The following CNTNAP2 variants were observed in gnomAD, a reference collection of about 807,000 sequenced individuals.
The protein encoded by CNTNAP2 is contactin associated protein 2, also known as contactin-associated protein-like 2.
CNTNAP2 carries 98 observed loss-of-function variants against 155.2 expected under a neutral mutation model. That is an observed-to-expected ratio of 0.63 (90% confidence interval 0.54 to 0.75). The LOEUF is 0.75. Among genes scored for constraint, CNTNAP2 ranks in the 30% least tolerant of loss-of-function variants. CNTNAP2 has a pLI of 0.00. For synonymous variants in CNTNAP2, 651 were observed against 631.2 expected (o/e 1.03, Z -0.47); for missense variants, 1,727 against 1,688.1 (o/e 1.02, Z -0.40).
chr7:147,816,624 A>G (rs114513827), intron 13 of CNTNAP2, among the ~76,000 whole-genome samples: 1,597 of 152,256 alleles, frequency 0.01, 29 homozygotes, highest in African/African-American at 0.037. Context: ...TAAGGCACCA[A>G]CTACTTGCTC....
At chr7:147,047,755 A>C (rs1241052548) in intron 4 of CNTNAP2, among the ~76,000 whole-genome samples, 1 of 152,184 alleles carries the variant, frequency 6.6e-6, no homozygotes, top group Non-Finnish European at 1.5e-5. Context: ...CTTTTCCATC[A>C]AGCCTGGGCT....
chr7:146,758,992 A>G (rs552854633), intron 1 of CNTNAP2, among the ~76,000 whole-genome samples: 2 of 152,166 alleles, frequency 1.3e-5, no homozygotes, highest in East Asian at 3.9e-4. Context: ...TGATCCAATC[A>G]ATTTTCTTCC....
chr7:147,364,774 G>A lies in CNTNAP2; in HGVS notation c.1499-30835G>A, dbSNP rs1055640603. On this transcript the variant is annotated intron_variant, in intron 9 of 23. Coordinates refer to ENST00000361727, the MANE Select transcript of CNTNAP2 (RefSeq NM_014141.6). ...TGAGGCAGGAGAATGGCGTGAACTCGGGAGGCGGAGCTTGCGGTGAGCCGA... is the reference window on the plus strand; with the variant it reads ...TGAGGCAGGAGAATGGCGTGAACTCAGGAGGCGGAGCTTGCGGTGAGCCGA... 5.3e-5 allele frequency among the ~76,000 whole-genome samples: 8 copies of A among 151,914 alleles called. No individual in the cohort carries two copies. The South Asian group carries it at 6.2e-4, about 12-fold the overall frequency.
At chr7:147,289,226 A>G in intron 8 of CNTNAP2, among the ~76,000 whole-genome samples, 1 of 152,168 alleles carries the variant, frequency 6.6e-6, no homozygotes, top group East Asian at 1.9e-4. Flanking sequence ...CCCTGGTATA[A>G]ATGACATCCT....
chr7:147,066,087 G>C (rs1013666915), intron 4 of CNTNAP2, among the ~76,000 whole-genome samples: 1 of 151,864 alleles, frequency 6.6e-6, no homozygotes, highest in African/African-American at 2.4e-5. Flanking sequence ...AAAAGCAAAA[G>C]CTTGATATCT....
chr7:147,974,073 A>C (rs1251040291), intron 14 of CNTNAP2, among the ~76,000 whole-genome samples: 1 of 152,038 alleles, frequency 6.6e-6, no homozygotes, highest in African/African-American at 2.4e-5. Context: ...AGTATTAAAA[A>C]TTTTTTTAAG....
chr7:146,665,785 A>AAAAAAC (rs1800181198), intron 1 of CNTNAP2, among the ~76,000 whole-genome samples: 1 of 144,778 alleles, frequency 6.9e-6, no homozygotes, highest in African/African-American at 2.6e-5. Context: ...TGTCTCATTA[A>AAAAAAC]AAAAAAAAAA....
At chr7:148,150,290 C>T (rs189933637) in intron 17 of CNTNAP2, among the ~76,000 whole-genome samples, 2,570 of 151,326 alleles carry the variant, frequency 0.017, 75 homozygotes, top group African/African-American at 0.058. Flanking sequence ...GGCTCACGCC[C>T]GTAATCCCAG....
chr7:147,249,159 G>A (rs566088036), intron 8 of CNTNAP2, among the ~76,000 whole-genome samples: 1 of 152,238 alleles, frequency 6.6e-6, no homozygotes, highest in East Asian at 1.9e-4. Flanking sequence ...GATTGCTGTA[G>A]GAGCCCATTT....
intron 1 of CNTNAP2, among the ~76,000 whole-genome samples, chr7:146,272,676 A>G (rs1007461365): frequency 6.6e-6 from 1 of 152,066 alleles, no homozygotes; most frequent in Non-Finnish European, 1.5e-5. Context: ...GTGTATGTGC[A>G]CACACACATC....
chr7:147,239,184 T>C (rs1225273740), intron 8 of CNTNAP2, among the ~76,000 whole-genome samples: 6 of 152,050 alleles, frequency 3.9e-5, no homozygotes. Context: ...TGCAAAAGTG[T>C]TTTTGTACTT....
intron 16 of CNTNAP2, among the ~76,000 whole-genome samples, chr7:148,134,357 C>T (rs991062281): frequency 3.9e-5 from 6 of 152,190 alleles, no homozygotes; most frequent in African/African-American, 2.4e-5. Context: ...GAATTATGCT[C>T]ATCCTGCATT....
At chr7:147,803,982 G>C (rs1798048243) in intron 13 of CNTNAP2, among the ~76,000 whole-genome samples, 1 of 152,200 alleles carries the variant, frequency 6.6e-6, no homozygotes, top group South Asian at 2.1e-4. Flanking sequence ...TTCCTCTGTG[G>C]CTAAGAGCAT....
chr7:147,483,047 A>C (rs1798451253), intron 10 of CNTNAP2, among the ~76,000 whole-genome samples: 1 of 151,922 alleles, frequency 6.6e-6, no homozygotes, highest in Non-Finnish European at 1.5e-5. Context: ...AAAATAAATC[A>C]GTAAATAAAT....
chr7:147,934,584 T>C (rs1800570291), intron 14 of CNTNAP2, among the ~76,000 whole-genome samples: 1 of 151,964 alleles, frequency 6.6e-6, no homozygotes, highest in Admixed American at 6.6e-5. Context: ...GAAATCAAAA[T>C]AGACAAACAA....
chr7:147,882,640 C>A (rs975138400), intron 13 of CNTNAP2, among the ~76,000 whole-genome samples: 1 of 152,152 alleles, frequency 6.6e-6, no homozygotes, highest in South Asian at 2.1e-4. Context: ...CCTGTGACTA[C>A]GAGCCAGGCT....
intron 3 of CNTNAP2, among the ~76,000 whole-genome samples, chr7:146,997,903 C>T (rs943975509): frequency 6.6e-6 from 1 of 152,020 alleles, no homozygotes; most frequent in Admixed American, 6.6e-5. Context: ...TGTCTGCTTA[C>T]TTGTCTCTGA....
intron 1 of CNTNAP2, among the ~76,000 whole-genome samples, chr7:146,233,824 C>T (rs1318286650): frequency 1.3e-5 from 2 of 151,632 alleles, no homozygotes; most frequent in South Asian, 2.1e-4. Context: ...CATAGTATTC[C>T]ATGGTGTATA....
chr7:147,049,404 G>A lies in CNTNAP2; in HGVS notation c.550+5350G>A, dbSNP rs1354444101. Among the ~76,000 whole-genome samples, 8 of 152,294 alleles carry A rather than the reference G, an allele frequency of 5.3e-5. No individual in the cohort carries two copies. The East Asian group carries it at 1.3e-3, about 26-fold the overall frequency. ...TACTTCCAAAAATTTACTGGCTAAT[G>A]TAAATTTTCTATACTAGAGTTCAAA... On this transcript the variant is annotated intron_variant, in intron 4 of 23. Transcript: ENST00000361727.
Sources: gnomAD v4.1 joint callset for allele counts (sites outside exome capture counted in the v4.1 genomes callset) on GRCh38, gnomAD v4.1.1 for gene constraint, MANE v1.5 for transcripts, NCBI Gene and HGNC (gene_info 2026-07-23, HGNC 2026-07-21) for gene names.